MDGA2: variants seen among roughly 807,000 people sequenced by gnomAD.
The protein encoded by MDGA2 is MAM domain containing glycosylphosphatidylinositol anchor 2, also known as MAM domain-containing glycosylphosphatidylinositol anchor protein 2.
In MDGA2, 40 loss-of-function variants were observed where a neutral mutation model predicts 117.8. That is an observed-to-expected ratio of 0.34 (90% CI 0.26 to 0.44). The LOEUF (loss-of-function observed/expected upper bound fraction) is 0.44. MDGA2 is among the 20% of genes least tolerant of loss of function. The probability of loss-of-function intolerance (pLI) is 1.00; values close to 1 mark genes in which losing one functional copy is unlikely to be tolerated. For synonymous variants in MDGA2, 452 were observed against 439.0 expected, an observed-to-expected ratio of 1.03 and a Z score of -0.37; for missense variants, 1,123 against 1,250.6, an observed-to-expected ratio of 0.90 and a Z score of 1.54.
rs115314650 is a variant in MDGA2, at chr14:47,281,631, A to G, written c.420+19780T>C. The stretch of plus-strand genomic sequence containing the variant: ...TCCATCCATTTTTAATTTCCTCAAC[A>G]TATTTCAACTAATGATTTTAGCAGT... On this transcript the variant is annotated intron_variant, in intron 2 of 16. Coordinates refer to ENST00000399232, the MANE Select transcript of MDGA2 (RefSeq NM_001113498.3). Among the ~76,000 whole-genome samples the G allele has an allele frequency of 1.8e-3, 267 of 152,328 alleles. 2 individuals carry two copies. The highest frequency in any genetic ancestry group is 6.1e-3 in the African/African-American group (254 of 41,580).
Position 47,421,301 on chromosome 14 carries a change from C to T in MDGA2, c.281-119751G>A, listed in dbSNP as rs1329715231. On this transcript the variant is annotated intron_variant, in intron 1 of 16. Coordinates refer to ENST00000399232, the MANE Select transcript of MDGA2 (RefSeq NM_001113498.3). The stretch of plus-strand genomic sequence containing the variant: ...AGGCATTTAATTTAGGTAAGTCAAT[C>T]AGCCAAGAAAAAACAAAACAGAACA... 2.0e-5 allele frequency among the ~76,000 whole-genome samples: 3 copies of T among 152,092 alleles called. 1 individual carries two copies. Among genetic ancestry groups the T allele is most frequent in the Admixed American group, 2.0e-4 (3 of 15,276 alleles).
intron 2 of MDGA2, among the ~76,000 whole-genome samples, chr14:47,243,738 G>A (rs995616872): frequency 6.6e-6 from 1 of 151,696 alleles, no homozygotes; most frequent in East Asian, 1.9e-4. Flanking sequence ...GAGCTGTAAC[G>A]CTCACCGCGA....
intron 1 of MDGA2, among the ~76,000 whole-genome samples, chr14:47,627,476 G>A (rs574251551): frequency 6.6e-6 from 1 of 152,310 alleles, no homozygotes; most frequent in African/African-American, 2.4e-5. Context: ...ATCGCACTCT[G>A]TGTCTAGCTC....
intron 5 of MDGA2, among the ~76,000 whole-genome samples, chr14:47,105,186 T>G (rs1344012183): frequency 1.3e-5 from 2 of 152,096 alleles, no homozygotes; most frequent in Admixed American, 1.3e-4. Context: ...CCCCTTCTCC[T>G]TCACCCTTAG....
chr14:47,561,734 A>T (rs1220468710), intron 1 of MDGA2, among the ~76,000 whole-genome samples: 1 of 152,068 alleles, frequency 6.6e-6, no homozygotes, highest in East Asian at 1.9e-4. Flanking sequence ...ACCTTGCTTG[A>T]TTGCACTGTC....
chr14:47,443,100 C>T (rs945104230), intron 1 of MDGA2, among the ~76,000 whole-genome samples: 2 of 152,064 alleles, frequency 1.3e-5, no homozygotes, highest in African/African-American at 4.8e-5. Flanking sequence ...TGAAACAGTG[C>T]ACGTTCTCAA....
At chr14:47,509,774 C>T (rs1178607118) in intron 1 of MDGA2, among the ~76,000 whole-genome samples, 1 of 152,178 alleles carries the variant, frequency 6.6e-6, no homozygotes, top group Admixed American at 6.5e-5. Flanking sequence ...AAATGTCTAT[C>T]TTATGACTGC....
At chr14:47,399,183 T>C (rs7147595) in intron 1 of MDGA2, among the ~76,000 whole-genome samples, 39,456 of 151,938 alleles carry the variant, frequency 0.26, 5,331 homozygotes, top group South Asian at 0.45. Flanking sequence ...AAGAGAAATG[T>C]CAAAGATAAG....
intron 5 of MDGA2, among the ~76,000 whole-genome samples, chr14:47,130,618 T>C (rs1047832721): frequency 6.6e-6 from 1 of 152,198 alleles, no homozygotes; most frequent in African/African-American, 2.4e-5. Flanking sequence ...ACTGAGTTAG[T>C]TGGATTTGCT....
intron 6 of MDGA2, among the ~76,000 whole-genome samples, chr14:47,069,847 T>C (rs1201891585): frequency 6.6e-6 from 1 of 152,218 alleles, no homozygotes; most frequent in Non-Finnish European, 1.5e-5. Flanking sequence ...ATAACTTAGA[T>C]ATACTGAATG....
intron 3 of MDGA2, among the ~76,000 whole-genome samples, chr14:47,173,393 C>G (rs944997989): frequency 3.5e-4 from 54 of 152,174 alleles, no homozygotes; most frequent in Non-Finnish European, 7.2e-4. Context: ...TAAGGGCAGC[C>G]AGAGAGAAAG....
At chr14:47,435,927 T>C (rs992799930) in intron 1 of MDGA2, among the ~76,000 whole-genome samples, 2 of 152,118 alleles carry the variant, frequency 1.3e-5, no homozygotes, top group East Asian at 3.9e-4. Context: ...AAAATCTACA[T>C]TGTTTCCAAC....
intron 1 of MDGA2, among the ~76,000 whole-genome samples, chr14:47,387,333 C>T (rs1480862017): frequency 4.0e-5 from 6 of 151,540 alleles, no homozygotes; most frequent in Admixed American, 3.9e-4. Flanking sequence ...CCCAAACCCA[C>T]CCCTCTATCT....
At chr14:47,283,449 A>C (rs1413583022) in intron 2 of MDGA2, among the ~76,000 whole-genome samples, 1 of 152,226 alleles carries the variant, frequency 6.6e-6, no homozygotes, top group Non-Finnish European at 1.5e-5. Context: ...TGTGTTTTGC[A>C]TGTCACCTAG....
At chr14:47,212,936 G>A (rs1885939522) in intron 3 of MDGA2, among the ~76,000 whole-genome samples, 1 of 151,940 alleles carries the variant, frequency 6.6e-6, no homozygotes, top group Non-Finnish European at 1.5e-5. Context: ...AATCTGTCCC[G>A]GTTGCTTCTG....
At chr14:47,105,554 AC>A (rs1005416710) in intron 5 of MDGA2, among the ~76,000 whole-genome samples, 20 of 151,622 alleles carry the variant, frequency 1.3e-4, no homozygotes, top group African/African-American at 4.9e-4. Flanking sequence ...ATGCTGCTTG[AC>A]CCCAATACAA....
rs1882126610 is a variant in MDGA2 at position 46,874,040 on chromosome 14, C to T, written c.2593+5G>A. The T allele has an allele frequency of 6.5e-7, 1 of 1,541,452 alleles. No individual in the cohort carries two copies. Among genetic ancestry groups the T allele is most frequent in the East Asian group, 2.5e-5 (1 of 40,184 alleles). Reference sequence around the variant, plus strand: ...CTATGAACACAAAAGGTCATACCCCCATACCTTCTTTGGAGCCACTACGGT... The same window carrying T: ...CTATGAACACAAAAGGTCATACCCCTATACCTTCTTTGGAGCCACTACGGT... On this transcript the variant is annotated splice_donor_5th_base_variant and intron_variant, in intron 13 of 16. Coordinates refer to ENST00000399232, the MANE Select transcript of MDGA2 (RefSeq NM_001113498.3).
At chr14:47,321,172 C>T (rs1044388438) in intron 1 of MDGA2, among the ~76,000 whole-genome samples, 2 of 152,172 alleles carry the variant, frequency 1.3e-5, no homozygotes, top group African/African-American at 4.8e-5. Flanking sequence ...TGGAAACACA[C>T]ATGCACACAC....
intron 1 of MDGA2, among the ~76,000 whole-genome samples, chr14:47,393,952 G>T (rs1891951780): frequency 6.6e-6 from 1 of 152,022 alleles, no homozygotes; most frequent in Non-Finnish European, 1.5e-5. Context: ...TGGAAGTTTG[G>T]GTTGGACAGT....
Sources: allele counts gnomAD v4.1 joint callset (sites outside exome capture counted in the v4.1 genomes callset), GRCh38; gene constraint gnomAD v4.1.1; transcripts MANE v1.5; gene names NCBI Gene and HGNC (gene_info 2026-07-23, HGNC 2026-07-21).